The following UBXN2A variants were observed in gnomAD, a reference collection of about 807,000 sequenced individuals.
UBXN2A encodes the protein UBX domain protein 2A.
In UBXN2A, 28 loss-of-function variants were observed where a neutral mutation model predicts 28.4. That is an observed-to-expected ratio of 0.99 (90% CI 0.73 to 1.35). The LOEUF (loss-of-function observed/expected upper bound fraction) is 1.35. Among genes scored for constraint, UBXN2A ranks in the 40% most tolerant of loss-of-function variants. The probability of loss-of-function intolerance (pLI) is 0.00; values close to 1 mark genes in which losing one functional copy is unlikely to be tolerated. For missense variants in UBXN2A, 253 were observed against 297.9 expected, an observed-to-expected ratio of 0.85 and a Z score of 1.11; for synonymous variants, 97 against 103.6, an observed-to-expected ratio of 0.94 and a Z score of 0.39.
chr2:23,948,039 G>A (rs1290552210), intron 1 of UBXN2A, among the ~76,000 whole-genome samples: 2 of 151,848 alleles, frequency 1.3e-5, no homozygotes, highest in Non-Finnish European at 2.9e-5. Flanking sequence ...GTTTTTAATA[G>A]AGACAGGGTT....
At chr2:23,946,146 T>C (rs1333609692) in intron 1 of UBXN2A, among the ~76,000 whole-genome samples, 1 of 152,108 alleles carries the variant, frequency 6.6e-6, no homozygotes, top group South Asian at 2.1e-4. Flanking sequence ...TTAATTCTTT[T>C]GTTTATTTAT....
intron 3 of UBXN2A, among the ~76,000 whole-genome samples, chr2:23,972,733 A>G (rs1204980968): frequency 6.6e-6 from 1 of 151,882 alleles, no homozygotes; most frequent in African/African-American, 2.4e-5. Context: ...GAGGCAGGAG[A>G]ATCGCGTGAA....
Position 24,001,936 on chromosome 2 carries a change from G to A in UBXN2A, c.*2069G>A, listed in dbSNP as rs1047923422. On this transcript the variant is annotated 3_prime_UTR_variant, in exon 7 of 7. Coordinates refer to ENST00000309033, the MANE Select transcript of UBXN2A (RefSeq NM_181713.4). ...AGATTGCGCCCCTGCACTCCAGCCT[G>A]GTGACGGAGCGAGACTCTTTCTCAA... 1.1e-4 allele frequency: 16 copies of A among 149,306 alleles called. No homozygotes were observed. The highest frequency in any genetic ancestry group is 4.7e-4 in the Admixed American group (7 of 14,934). 9.2% of individuals were successfully genotyped at this position (149,306 alleles called of 1,614,324 possible).
chr2:23,932,030 A>C (rs998074338), intron 1 of UBXN2A, among the ~76,000 whole-genome samples: 1 of 151,660 alleles, frequency 6.6e-6, no homozygotes, highest in South Asian at 2.1e-4. Context: ...AAAGAAAAAG[A>C]AAAAGCAGGC....
chr2:23,979,772 T>C (rs1707819874), intron 4 of UBXN2A, among the ~76,000 whole-genome samples: 1 of 152,068 alleles, frequency 6.6e-6, no homozygotes, highest in African/African-American at 2.4e-5. Context: ...GGTCTTGCTG[T>C]GTTACCCAGG....
chr2:23,964,223 T>A (rs1707065743), intron 2 of UBXN2A, among the ~76,000 whole-genome samples: 1 of 152,144 alleles, frequency 6.6e-6, no homozygotes, highest in Non-Finnish European at 1.5e-5. Context: ...ATCCTTTTTT[T>A]TTTTGAGACA....
chr2:23,988,150 A>G (rs1250806988), intron 6 of UBXN2A, among the ~76,000 whole-genome samples: 1 of 151,542 alleles, frequency 6.6e-6, no homozygotes, highest in Non-Finnish European at 1.5e-5. Context: ...GAAAGAAAAA[A>G]CTTTTCTCCC....
chr2:23,964,154 C>T (rs1707060542), intron 2 of UBXN2A, among the ~76,000 whole-genome samples: 1 of 150,660 alleles, frequency 6.6e-6, no homozygotes, highest in African/African-American at 2.4e-5. Context: ...AAAAAAATCT[C>T]GAAAAGAGAT....
At chr2:23,958,246 C>A in intron 1 of UBXN2A, 55 bp from the exon 2 acceptor site, 2 of 1,439,820 alleles carry the variant, frequency 1.4e-6, no homozygotes, top group South Asian at 1.3e-5. Context: ...TGGTAACTTA[C>A]ATATTAAGCT....
intron 1 of UBXN2A, among the ~76,000 whole-genome samples, chr2:23,929,722 T>A (rs919755314): frequency 2.6e-5 from 4 of 151,292 alleles, no homozygotes; most frequent in South Asian, 2.1e-4. Context: ...CAAAAAAAAA[T>A]AAATAAATAA....
chr2:23,993,954 G>A (rs1171683202), intron 6 of UBXN2A, among the ~76,000 whole-genome samples: 1 of 151,966 alleles, frequency 6.6e-6, no homozygotes, highest in East Asian at 1.9e-4. Context: ...AAAGTGCTGG[G>A]ATTACAGGCG....
chr2:23,935,941 G>A (rs562688645), upstream of UBXN2A, among the ~76,000 whole-genome samples: 40 of 152,142 alleles, frequency 2.6e-4, 1 homozygote, highest in South Asian at 4.6e-3. Context: ...ATCCCAGCCA[G>A]TCAGAAAAGC....
chr2:23,988,428 C>T (rs1708216815), intron 6 of UBXN2A, among the ~76,000 whole-genome samples: 1 of 152,164 alleles, frequency 6.6e-6, no homozygotes, highest in Non-Finnish European at 1.5e-5. Context: ...TCCTTGTCTT[C>T]CTTTGATTTT....
intron 4 of UBXN2A, among the ~76,000 whole-genome samples, chr2:23,979,074 G>A (rs1707791847): frequency 6.6e-6 from 1 of 152,044 alleles, no homozygotes; most frequent in African/African-American, 2.4e-5. Context: ...GCCAGGCATG[G>A]TGGCTCATAC....
intron 1 of UBXN2A, 49 bp downstream of exon 1, chr2:23,940,697 GGGCGGTCGC>G (rs1216914219): frequency 6.6e-6 from 1 of 151,790 alleles, no homozygotes; most frequent in East Asian, 1.9e-4. Context: ...GGGCGGGGCG[GGGCGGTCGC>G]CTGCCGGCTG....
chr2:23,979,917 CTTTTA>C (rs1261554150), intron 4 of UBXN2A, among the ~76,000 whole-genome samples: 1 of 150,692 alleles, frequency 6.6e-6, no homozygotes, highest in African/African-American at 2.5e-5. Context: ...TGACTATTTT[CTTTTA>C]TTTATGTAAA....
intron 1 of UBXN2A, among the ~76,000 whole-genome samples, chr2:23,952,223 G>A (rs1435818945): frequency 6.6e-6 from 1 of 151,148 alleles, no homozygotes. Flanking sequence ...TGCCTTGGCC[G>A]CCCAAAGTGC....
At chr2:23,994,633 CTG>C (rs1233401444) in intron 6 of UBXN2A, among the ~76,000 whole-genome samples, 1 of 152,136 alleles carries the variant, frequency 6.6e-6, no homozygotes, top group Non-Finnish European at 1.5e-5. Context: ...TCATTTGAGT[CTG>C]TTATTTTTCA....
At chr2:23,960,773 C>T (rs1312404567) in intron 2 of UBXN2A, among the ~76,000 whole-genome samples, 1 of 151,954 alleles carries the variant, frequency 6.6e-6, no homozygotes, top group African/African-American at 2.4e-5. Context: ...GCTGAGATTA[C>T]AGGCACGCAC....
Sources: gnomAD v4.1 joint callset for allele counts (sites outside exome capture counted in the v4.1 genomes callset) on GRCh38, gnomAD v4.1.1 for gene constraint, MANE v1.5 for transcripts, NCBI Gene and HGNC (gene_info 2026-07-23, HGNC 2026-07-21) for gene names.